Variants in LUZP2 observed in about 807,000 individuals in gnomAD.
LUZP2 encodes the protein leucine zipper protein 2.
LUZP2 carries 52 observed loss-of-function variants against 51.6 expected under a neutral mutation model. The ratio of observed to expected loss-of-function variants is 1.01; its 90% confidence interval spans 0.81 to 1.27. The LOEUF (loss-of-function observed/expected upper bound fraction) is 1.27. Among genes scored for constraint, LUZP2 ranks in the 50% most tolerant of loss-of-function variants. The pLI is 0.00. For synonymous variants in LUZP2, 154 were observed against 137.3 expected (o/e 1.12, Z -0.85); for missense variants, 436 against 395.4 (o/e 1.10, Z -0.87).
intron 1 of LUZP2, among the ~76,000 whole-genome samples, chr11:24,616,603 C>A (rs1180097376): frequency 6.6e-6 from 1 of 151,962 alleles, no homozygotes; most frequent in African/African-American, 2.4e-5. Flanking sequence ...TGTCAAAATG[C>A]AGTTGGACAT....
intron 10 of LUZP2, among the ~76,000 whole-genome samples, chr11:25,053,704 C>G (rs966122261): frequency 6.6e-6 from 1 of 151,984 alleles, no homozygotes; most frequent in African/African-American, 2.4e-5. Flanking sequence ...CAATTGCTGT[C>G]TTTTGGATTA....
chr11:24,691,489 T>C (rs1352596486), intron 1 of LUZP2, among the ~76,000 whole-genome samples: 3 of 151,390 alleles, frequency 2.0e-5, no homozygotes, highest in African/African-American at 4.8e-5. Context: ...TTTTTTTTTT[T>C]CAAAGTAACC....
intron 1 of LUZP2, among the ~76,000 whole-genome samples, chr11:24,695,855 G>A (rs914718936): frequency 1.3e-5 from 2 of 151,698 alleles, no homozygotes; most frequent in South Asian, 2.1e-4. Context: ...GATAGCATTC[G>A]AGTGAAAATT....
chr11:24,774,362 C>CTCTCTCTCTCTCTCTCTCTA lies in LUZP2; in HGVS notation c.396+11055_396+11056insCTCTCTCTCTCTCTCTCTAT, dbSNP rs776739280. Among the ~76,000 whole-genome samples the CTCTCTCTCTCTCTCTCTCTA allele has an allele frequency of 4.5e-3, 345 of 76,248 alleles. 2 individuals are homozygous for CTCTCTCTCTCTCTCTCTCTA. The highest frequency in any genetic ancestry group is 6.8e-3 in the East Asian group (14 of 2,068). The allele number at this position is 76,248 out of a possible 152,430, so 50.0% of individuals were successfully genotyped here. A position where few individuals can be genotyped will look rare whatever the true frequency, so the allele number is the denominator to read the frequency against. ...TCTCTCTCTCTCTCTCTCTCTCTCT[C>CTCTCTCTCTCTCTCTCTCTA]TATATATATATATATATATACATAC... On this transcript the variant is annotated intron_variant, in intron 5 of 11. Transcript: ENST00000336930.
At chr11:24,966,036 CTT>C (rs1430352472) in intron 7 of LUZP2, among the ~76,000 whole-genome samples, 1 of 151,702 alleles carries the variant, frequency 6.6e-6, no homozygotes, top group Non-Finnish European at 1.5e-5. Context: ...AGATAGTACA[CTT>C]AAGTTTTCTA....
intron 10 of LUZP2, among the ~76,000 whole-genome samples, chr11:25,050,654 A>C (rs936880475): frequency 6.6e-6 from 1 of 152,152 alleles, no homozygotes; most frequent in African/African-American, 2.4e-5. Flanking sequence ...AAGCATTGCA[A>C]CTAGATTCTT....
At chr11:24,742,486 A>T (rs1859220088) in intron 4 of LUZP2, among the ~76,000 whole-genome samples, 1 of 151,812 alleles carries the variant, frequency 6.6e-6, no homozygotes, top group African/African-American at 2.4e-5. Context: ...GTTTATTTGC[A>T]ATTTGTATAT....
chr11:25,066,942 C>T (rs544170520), intron 10 of LUZP2, among the ~76,000 whole-genome samples: 1 of 152,004 alleles, frequency 6.6e-6, no homozygotes, highest in South Asian at 2.1e-4. Context: ...CCTCAAAATC[C>T]TCTGAGTTGA....
At chr11:24,761,588 C>T (rs1212278515) in intron 4 of LUZP2, among the ~76,000 whole-genome samples, 2 of 152,106 alleles carry the variant, frequency 1.3e-5, no homozygotes, top group Non-Finnish European at 2.9e-5. Context: ...CCTCTGGGCT[C>T]CAGGCTGCAG....
rs376299699 is a variant in LUZP2, at chr11:24,568,659, C to T, written c.62+71354C>T. Among the ~76,000 whole-genome samples, 44 of 151,670 alleles carry T rather than the reference C, an allele frequency of 2.9e-4. No individual in the cohort carries two copies. In the South Asian group the frequency reaches 7.5e-3, roughly 26 times the overall value. On this transcript the variant is annotated intron_variant, in intron 1 of 11. Coordinates refer to ENST00000336930, the MANE Select transcript of LUZP2 (RefSeq NM_001009909.4). ...TTATAATATAATTATTTCACCAGGA[C>T]GAAAAGTATTACTCAAGCATTTACA...
At chr11:24,850,604 G>A (rs1169626902) in intron 5 of LUZP2, among the ~76,000 whole-genome samples, 1 of 151,972 alleles carries the variant, frequency 6.6e-6, no homozygotes, top group Non-Finnish European at 1.5e-5. Flanking sequence ...GGTGATATGG[G>A]CTCTTTTTTA....
intron 1 of LUZP2, among the ~76,000 whole-genome samples, chr11:24,626,597 G>C (rs1854693220): frequency 1.3e-5 from 2 of 152,104 alleles, no homozygotes; most frequent in Non-Finnish European, 2.9e-5. Flanking sequence ...GAAACACACA[G>C]ACTTTGTAAA....
At chr11:24,548,281 C>A (rs1851620401) in intron 1 of LUZP2, among the ~76,000 whole-genome samples, 1 of 151,888 alleles carries the variant, frequency 6.6e-6, no homozygotes, top group African/African-American at 2.4e-5. Context: ...TTCATAATAA[C>A]AAATACATGG....
chr11:24,637,822 C>T lies in LUZP2; in HGVS notation c.63-91347C>T, dbSNP rs185915193. On this transcript the variant is annotated intron_variant, in intron 1 of 11. Transcript: ENST00000336930. ...TGCACAGAGGGACACAGACCCTCAT[C>T]AATAATTCTAATTTTACCTTTTGCC... Among the ~76,000 whole-genome samples, 3 of 151,978 alleles carry T rather than the reference C, an allele frequency of 2.0e-5. No homozygotes were observed. In the East Asian group the frequency reaches 5.8e-4, roughly 29 times the overall value.
intron 1 of LUZP2, among the ~76,000 whole-genome samples, chr11:24,571,388 T>C (rs1852438309): frequency 6.6e-6 from 1 of 151,684 alleles, no homozygotes; most frequent in Non-Finnish European, 1.5e-5. Context: ...TCCCACAATG[T>C]CCTAGGAAAA....
chr11:24,887,686 T>G (rs939809987), intron 5 of LUZP2, among the ~76,000 whole-genome samples: 1 of 152,226 alleles, frequency 6.6e-6, no homozygotes, highest in African/African-American at 2.4e-5. Context: ...AACATAAAAT[T>G]ATAAGAATTC....
At chr11:25,047,755 T>C (rs1238217862) in intron 9 of LUZP2, among the ~76,000 whole-genome samples, 2 of 152,324 alleles carry the variant, frequency 1.3e-5, no homozygotes, top group East Asian at 3.9e-4. Context: ...GCCTATGTAC[T>C]GTTGCCATAT....
chr11:24,521,938 G>A (rs1290613815), intron 1 of LUZP2, among the ~76,000 whole-genome samples: 1 of 152,060 alleles, frequency 6.6e-6, no homozygotes, highest in Non-Finnish European at 1.5e-5. Flanking sequence ...CCGTCACCAA[G>A]TGAAATCCTG....
chr11:24,584,994 A>T (rs1853010971), intron 1 of LUZP2, among the ~76,000 whole-genome samples: 1 of 152,148 alleles, frequency 6.6e-6, no homozygotes, highest in Non-Finnish European at 1.5e-5. Flanking sequence ...AGATGCTATC[A>T]TTCCTTTTTA....
Sources: allele counts gnomAD v4.1 joint callset (sites outside exome capture counted in the v4.1 genomes callset), GRCh38; gene constraint gnomAD v4.1.1; transcripts MANE v1.5; gene names NCBI Gene and HGNC (gene_info 2026-07-23, HGNC 2026-07-21).